The following RSF1 variants were observed in gnomAD, a reference collection of about 807,000 sequenced individuals.
The protein encoded by RSF1 is HBV pX-associated protein 8.
A neutral mutation model predicts 145.2 loss-of-function variants in RSF1; 13 were observed. The observed-to-expected ratio is 0.09, with a 90% CI of 0.06 to 0.14. The LOEUF (loss-of-function observed/expected upper bound fraction) is 0.14. Ranked by LOEUF, RSF1 falls within the 10% of genes least tolerant of loss-of-function variation. The pLI is 1.00. For missense variants in RSF1, 1,517 were observed against 1,718.2 expected (o/e 0.88, Z 2.07); for synonymous variants, 577 against 592.6 (o/e 0.97, Z 0.38).
chr11:77,720,259 T>C (rs1960913081), intron 5 of RSF1, among the ~76,000 whole-genome samples: 1 of 152,196 alleles, frequency 6.6e-6, no homozygotes, highest in Non-Finnish European at 1.5e-5. Flanking sequence ...TAGGCAGAAG[T>C]GCATGACTGT....
At chr11:77,826,488 A>T in the RSF1 span, among the ~76,000 whole-genome samples, 1 of 152,204 alleles carries the variant, frequency 6.6e-6, no homozygotes, top group Admixed American at 6.5e-5. Context: ...TTGACATCCT[A>T]TACAGCAAGG....
In RSF1 at chr11:77,693,699, T is replaced by C. The variant is rs1960212676; in HGVS notation, c.2716-88A>G. 3 of 739,054 alleles carry C rather than the reference T, an allele frequency of 4.1e-6. No individual in the cohort carries two copies. In the South Asian group the frequency reaches 6.0e-5, roughly 15 times the overall value. 45.8% of individuals were successfully genotyped at this position (739,054 alleles called of 1,614,324 possible). Reference sequence around the variant, plus strand: ...GACGTTTCAATATCTCTGAGTACTATACTGCAAAGCACTCTATTTGCATAA... The same window carrying C: ...GACGTTTCAATATCTCTGAGTACTACACTGCAAAGCACTCTATTTGCATAA... On this transcript the variant is annotated intron_variant, in intron 7 of 15. Coordinates refer to ENST00000308488, the MANE Select transcript of RSF1 (RefSeq NM_016578.4).
chr11:77,863,707 G>C, the RSF1 span, among the ~76,000 whole-genome samples: 2 of 152,002 alleles, frequency 1.3e-5, no homozygotes, highest in Non-Finnish European at 2.9e-5. Context: ...ATGAGACGAA[G>C]TCTCACTATG....
At chr11:77,750,526 T>C (rs1414517537) in intron 2 of RSF1, among the ~76,000 whole-genome samples, 1 of 152,254 alleles carries the variant, frequency 6.6e-6, no homozygotes, top group Non-Finnish European at 1.5e-5. Flanking sequence ...TCTTAGCTTT[T>C]TGAGACAGGT....
intron 2 of RSF1, chr11:77,762,048 T>G (rs1948180805): frequency 1.4e-5 from 2 of 143,034 alleles, no homozygotes; most frequent in Non-Finnish European, 3.0e-5. Context: ...TTTTTTTTTT[T>G]TGTAGAGATG....
At chr11:77,761,815 T>C (rs1356119778) in intron 2 of RSF1, among the ~76,000 whole-genome samples, 8 of 147,268 alleles carry the variant, frequency 5.4e-5, no homozygotes, top group African/African-American at 2.0e-4. Context: ...CTAGTTTAAA[T>C]TTCCATTCGG....
At chr11:77,857,945 T>C in the RSF1 span, among the ~76,000 whole-genome samples, 206 of 152,276 alleles carry the variant, frequency 1.4e-3, no homozygotes, top group African/African-American at 4.7e-3. Context: ...TCTGCCCACA[T>C]TGGCCCCCAA....
chr11:77,769,017 G>T (rs79527381), intron 1 of RSF1, among the ~76,000 whole-genome samples: 2 of 152,022 alleles, frequency 1.3e-5, no homozygotes, highest in Admixed American at 6.6e-5. Context: ...TAATAAACAC[G>T]TAGTAAGTTG....
At chr11:77,846,057 C>T in the RSF1 span, among the ~76,000 whole-genome samples, 19 of 151,800 alleles carry the variant, frequency 1.3e-4, no homozygotes, top group African/African-American at 3.1e-4. Flanking sequence ...GTGGCAACAC[C>T]GGAAATCAAC....
intron 5 of RSF1, among the ~76,000 whole-genome samples, chr11:77,717,363 C>G (rs771394042): frequency 5.3e-5 from 8 of 152,122 alleles, no homozygotes; most frequent in Non-Finnish European, 1.2e-4. Flanking sequence ...TGGACCCTCT[C>G]AACATAAATC....
chr11:77,738,318 GCC>G (rs201520791), intron 4 of RSF1, among the ~76,000 whole-genome samples: 2 of 151,720 alleles, frequency 1.3e-5, no homozygotes, highest in African/African-American at 4.8e-5. Flanking sequence ...AAGTACATTA[GCC>G]CCCCCATATC....
intron 1 of RSF1, among the ~76,000 whole-genome samples, chr11:77,808,120 G>T (rs533560474): frequency 6.6e-6 from 1 of 152,054 alleles, no homozygotes; most frequent in South Asian, 2.1e-4. Context: ...AATCACTTGA[G>T]GTCAGGAGTT....
At chr11:77,805,586 T>C (rs1357425354) in intron 1 of RSF1, among the ~76,000 whole-genome samples, 1 of 152,138 alleles carries the variant, frequency 6.6e-6, no homozygotes, top group Non-Finnish European at 1.5e-5. Flanking sequence ...TAAGGCACTC[T>C]AAAAAAATTC....
rs575626413 is a variant in RSF1, at chr11:77,739,496, T to C, written c.578+1235A>G. The C allele has an allele frequency of 3.3e-5, 5 of 152,334 alleles. No individual in the cohort carries two copies. The East Asian group carries it at 9.6e-4, about 29-fold the overall frequency. The allele number at this position is 152,334 out of a possible 1,614,324, so 9.4% of individuals were successfully genotyped here. On this transcript the variant is annotated intron_variant, in intron 4 of 15. Transcript: ENST00000308488. ...AGCAAATTAATTACAAGGAAAATAA[T>C]GTAATGATACATGCTTATGAAACAA... is the stretch of plus-strand genomic sequence containing the variant.
the RSF1 span, among the ~76,000 whole-genome samples, chr11:77,858,302 CTTTTTTTTTTT>C: frequency 1.7e-4 from 12 of 69,348 alleles, no homozygotes; most frequent in African/African-American, 3.1e-4. Flanking sequence ...TTAAGCAATT[CTTTTTTTTTTT>C]TTTTTTTTTT....
chr11:77,727,418 C>T (rs1961080616), intron 4 of RSF1, among the ~76,000 whole-genome samples: 1 of 150,028 alleles, frequency 6.7e-6, no homozygotes, highest in Non-Finnish European at 1.5e-5. Flanking sequence ...TAAAAAGCTT[C>T]AAAACGTAAG....
chr11:77,830,987 CAA>C, the RSF1 span, among the ~76,000 whole-genome samples: 19,836 of 100,058 alleles, frequency 0.2, 1,727 homozygotes, highest in East Asian at 0.42. Context: ...CAAAATATAC[CAA>C]AAAAAAAAAA....
chr11:77,857,437 T>G, the RSF1 span, among the ~76,000 whole-genome samples: 1 of 152,198 alleles, frequency 6.6e-6, no homozygotes, highest in Non-Finnish European at 1.5e-5. Flanking sequence ...TCACTATCTA[T>G]AAATATTTAT....
At chr11:77,681,558 G>A (rs959581715) in intron 11 of RSF1, among the ~76,000 whole-genome samples, 2 of 152,106 alleles carry the variant, frequency 1.3e-5, no homozygotes, top group Non-Finnish European at 2.9e-5. Context: ...GGGATTTCAA[G>A]TGTAAGCCAC....
Sources: allele counts gnomAD v4.1 joint callset (sites outside exome capture counted in the v4.1 genomes callset), GRCh38; gene constraint gnomAD v4.1.1; transcripts MANE v1.5; gene names NCBI Gene and HGNC (gene_info 2026-07-23, HGNC 2026-07-21).